The following SF1 variants were observed in gnomAD, a reference collection of about 807,000 sequenced individuals.
SF1 encodes branch point-binding protein.
SF1 carries 7 observed loss-of-function variants against 62.5 expected under a neutral mutation model. The observed-to-expected ratio is 0.11, with a 90% CI of 0.06 to 0.21. The LOEUF is 0.21. Ranked by LOEUF, SF1 falls within the 10% of genes least tolerant of loss-of-function variation. SF1 has a pLI of 1.00. For synonymous variants in SF1, 394 were observed against 323.6 expected, an observed-to-expected ratio of 1.22 and a Z score of -2.33; for missense variants, 578 against 884.0, an observed-to-expected ratio of 0.65 and a Z score of 4.39.
intron 1 of SF1, 113 bp downstream of exon 1, chr11:64,778,249 C>T: frequency 2.5e-6 from 3 of 1,204,412 alleles, no homozygotes. Flanking sequence ...GCGGGGGCGG[C>T]GGCGGCCCGG....
chr11:64,767,145 C>T (rs2058737088), intron 11 of SF1, 47 bp downstream of exon 11: 1 of 1,612,762 alleles, frequency 6.2e-7, no homozygotes, highest in Middle Eastern at 1.7e-4. Context: ...AGAACCCCCA[C>T]TCACCCAAGC....
Position 64,770,537 on chromosome 11 carries a change from A to G in SF1, c.237-129T>C, listed in dbSNP as rs1003749694. ...ACAACACTCTTCGGAGGAACCGACC[A>G]TAACGTGTGCTACTCAAGATCGTGT... is the stretch of plus-strand genomic sequence containing the variant. On this transcript the variant is annotated intron_variant, in intron 3 of 12. Coordinates refer to ENST00000377390, the MANE Select transcript of SF1 (RefSeq NM_004630.4). 20 of 982,814 alleles carry G rather than the reference A, an allele frequency of 2.0e-5. No homozygotes were observed. The East Asian group carries it at 2.8e-4, about 14-fold the overall frequency. The allele number at this position is 982,814 out of a possible 1,614,324, so 60.9% of individuals were successfully genotyped here. A position where few individuals can be genotyped will look rare whatever the true frequency, so the allele number is the denominator to read the frequency against.
In SF1 at chr11:64,767,658, C is replaced by T; in HGVS notation, c.1255G>A (p.Gly419Arg). Residue 419 changes from glycine to arginine, a missense_variant, in exon 10 of 13, where the codon GGA becomes AGA. Physicochemically the swap from Gly to Arg is moderately radical, Grantham distance 125. Around this residue, in one of 7 missense-constraint regions of SF1, gnomAD observed 410 missense variants for 452.4 expected, o/e 0.91. Coordinates refer to ENST00000377390, the MANE Select transcript of SF1 (RefSeq NM_004630.4). ...GGCTGCATCCAAGGGGGTGGGGGTC[C>T]ATTGGGGTTGTGCTGCATGGGATGT... is the stretch of plus-strand genomic sequence containing the variant. ...GGHPMQHNPNGPPPPWMQPPP... is the reference protein window; with the variant it reads ...GGHPMQHNPNRPPPPWMQPPP... 1 of 1,603,658 alleles carries T rather than the reference C, an allele frequency of 6.2e-7. No homozygotes were observed. Among genetic ancestry groups the T allele is most frequent in the Admixed American group, 1.7e-5 (1 of 57,572 alleles).
intron 3 of SF1, 93 bp from the exon 4 acceptor site, chr11:64,770,501 C>A: frequency 1.4e-6 from 2 of 1,395,626 alleles, no homozygotes; most frequent in Non-Finnish European, 2.0e-6. Flanking sequence ...CTCTGCCTCT[C>A]AGACCCTAAT....
At chr11:64,767,488 A>C (rs1027764935) in intron 10 of SF1, 83 bp downstream of exon 10, 1 of 1,386,658 alleles carries the variant, frequency 7.2e-7, no homozygotes. Context: ...GCCACTTGAG[A>C]GCTGCTTCTA....
In SF1 at chr11:64,765,535, G is replaced by A; in HGVS notation, c.*283C>T. ...GGAGGGATCCTGGCGGCCCGGTTTG[G>A]GGAGAGGCAAAGGGAGTTGGGTGAG... On this transcript the variant is annotated 3_prime_UTR_variant, in exon 13 of 13. Coordinates refer to ENST00000377390, the MANE Select transcript of SF1 (RefSeq NM_004630.4). 6.2e-7 allele frequency: 1 copy of A among 1,604,634 alleles called. No individual in the cohort carries two copies. Among genetic ancestry groups the A allele is most frequent in the South Asian group, 1.1e-5 (1 of 89,798 alleles).
chr11:64,778,174 C>A (rs1276337941), intron 1 of SF1, 188 bp downstream of exon 1: 17 of 898,254 alleles, frequency 1.9e-5, no homozygotes, highest in African/African-American at 7.2e-5. Flanking sequence ...GGGGCGGCGG[C>A]GGAGGCGGCG....
chr11:64,768,527 A>G (rs1000755188), intron 8 of SF1, among the ~76,000 whole-genome samples: 1 of 152,214 alleles, frequency 6.6e-6, no homozygotes, highest in Admixed American at 6.5e-5. Flanking sequence ...AGCACAGGAG[A>G]CCCTGAGCAC....
At chr11:64,777,428 AC>A (rs1290005517) in intron 1 of SF1, 12 of 884,654 alleles carry the variant, frequency 1.4e-5, no homozygotes, top group South Asian at 5.2e-5. Flanking sequence ...AAAAAAAAAA[AC>A]AAACTAAAAT....
intron 12 of SF1, chr11:64,766,654 C>T (rs1305237253): frequency 9.0e-6 from 4 of 446,590 alleles, no homozygotes; most frequent in African/African-American, 2.0e-5. Context: ...TGGCCCCCTA[C>T]CTACAATAGC....
Position 64,767,635 on chromosome 11 carries a change from C to A in SF1, c.1278G>T (p.Gln426His). ...NPNGPPPPWM[Q>H]PPPPPMNQGP... ...CCTGGTTCATCGGTGGTGGTGGTGG[C>A]TGCATCCAAGGGGGTGGGGGTCCAT... Residue 426 changes from glutamine to histidine, a missense_variant, in exon 10 of 13, where the codon CAG (glutamine) becomes CAT (histidine). Physicochemically the swap from Gln to His is conservative, Grantham distance 24. This residue lies in a region of SF1 where 410 missense variants were observed against 452.4 expected (regional missense o/e 0.91). Coordinates refer to ENST00000377390, the MANE Select transcript of SF1 (RefSeq NM_004630.4). 6.3e-7 allele frequency: 1 copy of A among 1,592,088 alleles called. No homozygotes were observed. Among genetic ancestry groups the A allele is most frequent in the South Asian group, 1.1e-5 (1 of 89,176 alleles).
intron 2 of SF1, 25 bp from the exon 3 acceptor site, chr11:64,773,530 A>G (rs1938643517): frequency 6.3e-7 from 1 of 1,588,392 alleles, no homozygotes; most frequent in Non-Finnish European, 8.5e-7. Context: ...GTTAGGAAAG[A>G]AAAAAAAGGA....
Position 64,778,472 on chromosome 11 carries a change from A to G in SF1, c.-80T>C. The G allele has an allele frequency of 2.5e-6, 3 of 1,195,026 alleles. No homozygotes were observed. Among genetic ancestry groups the G allele is most frequent in the Non-Finnish European group, 3.1e-6 (3 of 964,608 alleles). 74.0% of individuals were successfully genotyped at this position (1,195,026 alleles called of 1,614,324 possible). ...TTCGCAAGCCTCCCGGGGGGAGGGG[A>G]CCCGAATGCGCTGCCGGAGCGCGCG... On this transcript the variant is annotated 5_prime_UTR_variant, in exon 1 of 13. Coordinates refer to ENST00000377390, the MANE Select transcript of SF1 (RefSeq NM_004630.4).
chr11:64,766,169 G>A lies in SF1; in HGVS notation c.1583-14C>T. On this transcript the variant is annotated splice_polypyrimidine_tract_variant and intron_variant, in intron 12 of 12. Transcript: ENST00000377390. ...TAGTCGTCGTATCTGGGGTGGTAAA[G>A]AAGCCCAAGGTCACACGCGCGGGGG... 1 of 1,601,184 alleles carries A rather than the reference G, an allele frequency of 6.2e-7. No homozygotes were observed. The highest frequency in any genetic ancestry group is 8.5e-7 in the Non-Finnish European group (1 of 1,179,130).
At chr11:64,769,754 T>C (rs1055025618) in intron 5 of SF1, 145 bp from the exon 6 acceptor site, 6 of 819,666 alleles carry the variant, frequency 7.3e-6, no homozygotes, top group South Asian at 6.7e-5. Context: ...CTCTATATTA[T>C]GGTCAGCCAC....
rs558967877 is a variant in SF1 at position 64,776,103 on chromosome 11, T to C, written c.160+395A>G. ...TTTTAGGGGGAGAAATATAAAATTATGGTGAAAGGCCACGCTGTGAAAAGT... is the reference window on the plus strand; with the variant it reads ...TTTTAGGGGGAGAAATATAAAATTACGGTGAAAGGCCACGCTGTGAAAAGT... On this transcript the variant is annotated intron_variant, in intron 2 of 12. Transcript: ENST00000377390. The C allele has an allele frequency of 1.1e-4, 18 of 158,742 alleles. No homozygotes were observed. The South Asian group carries it at 2.5e-3, about 22-fold the overall frequency. 9.8% of individuals were successfully genotyped at this position (158,742 alleles called of 1,614,324 possible). A position where few individuals can be genotyped will look rare whatever the true frequency, so the allele number is the denominator to read the frequency against.
At position 64,767,047 on chromosome 11, in the gene SF1, G is replaced by C; in HGVS notation, c.1435C>G (p.Pro479Ala). ...CCACTGGGAGGCGGCGGCGGCGGCG[G>C]CATCATGCCCATAGGTGGTGGCGGC... The part of the protein sequence containing the change: ...MMPPPPMGMM[P>A]PPPPPPSGQP... The change falls in exon 12 of 13, where the codon CCG (proline) becomes GCG (alanine). Residue 479 changes from proline to alanine, a missense_variant. Physicochemically the swap from Pro to Ala is conservative, Grantham distance 27 (BLOSUM62 -1). This residue lies in a region of SF1 where 410 missense variants were observed against 452.4 expected (regional missense o/e 0.91). Coordinates refer to ENST00000377390, the MANE Select transcript of SF1 (RefSeq NM_004630.4). The C allele has an allele frequency of 6.4e-7, 1 of 1,560,816 alleles. No homozygotes were observed. Among genetic ancestry groups the C allele is most frequent in the Non-Finnish European group, 8.7e-7 (1 of 1,151,468 alleles).
chr11:64,778,024 A>G, intron 1 of SF1: 1 of 1,002,048 alleles, frequency 1.0e-6, no homozygotes, highest in East Asian at 1.0e-4. Flanking sequence ...GCTGGTCCTT[A>G]CGCGGCGGCT....
At chr11:64,774,612 C>T (rs1169342213) in intron 2 of SF1, among the ~76,000 whole-genome samples, 1 of 152,178 alleles carries the variant, frequency 6.6e-6, no homozygotes, top group Non-Finnish European at 1.5e-5. Flanking sequence ...ATCCACAGGG[C>T]TATACCACAC....
Sources: gnomAD v4.1 joint callset for allele counts (sites outside exome capture counted in the v4.1 genomes callset) on GRCh38, gnomAD v4.1.1 for gene constraint, gnomAD v4.1.1 regional missense constraint, MANE v1.5 for transcripts, NCBI Gene and HGNC (gene_info 2026-07-23, HGNC 2026-07-21) for gene names.